Variants in PDE11A observed in about 807,000 individuals in gnomAD.
PDE11A encodes dual 3',5'-cyclic-AMP and -GMP phosphodiesterase 11A.
In PDE11A, 100 loss-of-function variants were observed where a neutral mutation model predicts 100.5. That is an observed-to-expected ratio of 1.00 (90% CI 0.85 to 1.18). PDE11A has a LOEUF of 1.18. Among genes scored for constraint, PDE11A ranks in the 50% most tolerant of loss-of-function variants. The pLI is 0.00. For missense variants in PDE11A, 1,141 were observed against 1,152.6 expected, an observed-to-expected ratio of 0.99 and a Z score of 0.15; for synonymous variants, 381 against 420.8, an observed-to-expected ratio of 0.91 and a Z score of 1.16.
intron 1 of PDE11A, among the ~76,000 whole-genome samples, chr2:178,070,793 T>TTATTAAATAA (rs1431758910): frequency 9.0e-4 from 137 of 152,322 alleles, no homozygotes; most frequent in African/African-American, 3.1e-3. Flanking sequence ...TTGTTGTTTG[T>TTATTAAATAA]TTCATAAATT....
intron 15 of PDE11A, among the ~76,000 whole-genome samples, chr2:177,682,683 C>T (rs1181431755): frequency 5.3e-5 from 8 of 152,198 alleles, no homozygotes; most frequent in African/African-American, 1.7e-4. Flanking sequence ...TTTCCCAAAA[C>T]GCATCTCTCA....
intron 5 of PDE11A, among the ~76,000 whole-genome samples, chr2:177,856,317 T>G (rs1296581531): frequency 6.6e-6 from 1 of 152,106 alleles, no homozygotes; most frequent in Admixed American, 6.6e-5. Flanking sequence ...GGTGAGGGGA[T>G]AGACTTGATT....
chr2:177,908,708 G>A (rs894102412), intron 2 of PDE11A, among the ~76,000 whole-genome samples: 4 of 152,162 alleles, frequency 2.6e-5, no homozygotes, highest in Admixed American at 2.0e-4. Flanking sequence ...GAACCAGGCT[G>A]TGTTCCACAC....
At chr2:178,025,350 C>G (rs964421316) in intron 1 of PDE11A, among the ~76,000 whole-genome samples, 1 of 152,148 alleles carries the variant, frequency 6.6e-6, no homozygotes, top group Non-Finnish European at 1.5e-5. Context: ...TAGACACCAT[C>G]AAATAATTTG....
At chr2:178,002,569 T>G (rs1306234914) in intron 2 of PDE11A, among the ~76,000 whole-genome samples, 1 of 152,164 alleles carries the variant, frequency 6.6e-6, no homozygotes, top group Non-Finnish European at 1.5e-5. Context: ...TTGAAGCTAT[T>G]ATAAGGTACC....
At chr2:177,771,578 G>C (rs921010011) in intron 9 of PDE11A, among the ~76,000 whole-genome samples, 4 of 152,108 alleles carry the variant, frequency 2.6e-5, no homozygotes, top group Non-Finnish European at 5.9e-5. Context: ...TAACGTAGAG[G>C]CTCCTCCTGA....
chr2:177,663,002 C>T (rs566171263), intron 19 of PDE11A, among the ~76,000 whole-genome samples: 1 of 152,174 alleles, frequency 6.6e-6, no homozygotes, highest in South Asian at 2.1e-4. Context: ...CTTTTGCTTT[C>T]CCTGCATGTT....
At position 177,906,147 on chromosome 2, in the gene PDE11A, T is replaced by C. The variant is rs546386186; in HGVS notation, c.1072-960A>G. Among the ~76,000 whole-genome samples the C allele has an allele frequency of 3.3e-5, 5 of 149,752 alleles. No homozygotes were observed. The South Asian group carries it at 1.1e-3, about 32-fold the overall frequency. On this transcript the variant is annotated intron_variant, in intron 2 of 19. Coordinates refer to ENST00000286063, the MANE Select transcript of PDE11A (RefSeq NM_016953.4). The stretch of plus-strand genomic sequence containing the variant: ...AAGCATGTTTATATCATAGACTCTA[T>C]GTCTCTCTGTCTCTCTCTCACACAC...
intron 6 of PDE11A, among the ~76,000 whole-genome samples, chr2:177,830,601 AAATAATAATAATAATAATAATAAT>A (rs56365605): frequency 2.1e-5 from 3 of 140,018 alleles, no homozygotes; most frequent in Non-Finnish European, 4.6e-5. Context: ...ACTCCATCTC[AAATAATAATAATAATAATAATAAT>A]AATAATAATA....
rs934497697 is a variant in PDE11A at position 177,893,312 on chromosome 2, T to G, written c.1302+4746A>C. ...ATTTATTCATCTATTTATTGATTGATTGATTTTCGGAGGTGTTGTTTCACT... is the reference window on the plus strand; with the variant it reads ...ATTTATTCATCTATTTATTGATTGAGTGATTTTCGGAGGTGTTGTTTCACT... On this transcript the variant is annotated intron_variant, in intron 4 of 19. Transcript: ENST00000286063. Among the ~76,000 whole-genome samples, 3 of 152,244 alleles carry G rather than the reference T, an allele frequency of 2.0e-5. No individual in the cohort carries two copies. The East Asian group carries it at 5.8e-4, about 29-fold the overall frequency.
rs907937154 is a variant in PDE11A at position 178,050,900 on chromosome 2, C to T, written c.912+20626G>A. Among the ~76,000 whole-genome samples the T allele has an allele frequency of 8.5e-5, 13 of 152,282 alleles. No homozygotes were observed. The South Asian group carries it at 1.5e-3, about 17-fold the overall frequency. On this transcript the variant is annotated intron_variant, in intron 1 of 19. Transcript: ENST00000286063. The stretch of plus-strand genomic sequence containing the variant: ...GTCTGATTGGTATACCTGAAAGTGA[C>T]GGGGAGAATGGAACCAAGTTGGAAA...
At chr2:177,643,460 A>T (rs2080175811) in intron 19 of PDE11A, among the ~76,000 whole-genome samples, 1 of 152,124 alleles carries the variant, frequency 6.6e-6, no homozygotes, top group Non-Finnish European at 1.5e-5. Flanking sequence ...TGAACTTGAG[A>T]GAGATGATTA....
intron 9 of PDE11A, among the ~76,000 whole-genome samples, chr2:177,782,308 C>A (rs560277532): frequency 2.0e-5 from 3 of 152,316 alleles, no homozygotes; most frequent in Middle Eastern, 3.4e-3. Flanking sequence ...GTCTATGTCC[C>A]TTCCCTTTGA....
At chr2:177,845,452 T>G (rs1252285547) in intron 5 of PDE11A, among the ~76,000 whole-genome samples, 3 of 148,912 alleles carry the variant, frequency 2.0e-5, no homozygotes, top group Non-Finnish European at 4.4e-5. Flanking sequence ...GCAGAGACGC[T>G]CCTCACTTCC....
At chr2:177,964,274 A>ATT (rs1438190626) in intron 2 of PDE11A, among the ~76,000 whole-genome samples, 18 of 152,184 alleles carry the variant, frequency 1.2e-4, no homozygotes, top group African/African-American at 3.9e-4. Flanking sequence ...TCTATCCACC[A>ATT]ATCCCTCAAT....
intron 9 of PDE11A, among the ~76,000 whole-genome samples, chr2:177,782,627 T>C (rs908831399): frequency 6.6e-6 from 1 of 152,246 alleles, no homozygotes; most frequent in Non-Finnish European, 1.5e-5. Context: ...ATCTGTTATA[T>C]AATCATCACA....
At chr2:177,730,591 T>A (rs2105450779) in intron 10 of PDE11A, among the ~76,000 whole-genome samples, 1 of 152,174 alleles carries the variant, frequency 6.6e-6, no homozygotes, top group East Asian at 1.9e-4. Context: ...AAATTTCTTC[T>A]TACTGTTGAG....
chr2:177,843,346 G>A (rs1479041154), intron 5 of PDE11A, among the ~76,000 whole-genome samples: 1 of 152,268 alleles, frequency 6.6e-6, no homozygotes, highest in East Asian at 1.9e-4. Context: ...AAGAATAGTG[G>A]GTTGTCACCT....
At chr2:177,857,004 A>G (rs1245362134) in intron 5 of PDE11A, among the ~76,000 whole-genome samples, 1 of 152,062 alleles carries the variant, frequency 6.6e-6, no homozygotes, top group African/African-American at 2.4e-5. Context: ...TAGACATATT[A>G]TAATCAAACT....
Sources: allele counts gnomAD v4.1 joint callset (sites outside exome capture counted in the v4.1 genomes callset), GRCh38; gene constraint gnomAD v4.1.1; transcripts MANE v1.5; gene names NCBI Gene and HGNC (gene_info 2026-07-23, HGNC 2026-07-21).